SLIT3: variants seen among roughly 807,000 people sequenced by gnomAD.
SLIT3 encodes the protein slit guidance ligand 3, also known as slit homolog 3 protein.
SLIT3 carries 68 observed loss-of-function variants against 184.0 expected under a neutral mutation model. The observed-to-expected ratio is 0.37, with a 90% CI of 0.30 to 0.45. The LOEUF is 0.45. Ranked by LOEUF, SLIT3 falls within the 20% of genes least tolerant of loss-of-function variation. The pLI, the probability that SLIT3 is intolerant of heterozygous loss-of-function variation, is 1.00. For synonymous variants in SLIT3, 831 were observed against 828.6 expected, an observed-to-expected ratio of 1.00 and a Z score of -0.05; for missense variants, 1,707 against 2,026.0, an observed-to-expected ratio of 0.84 and a Z score of 3.02.
intron 14 of SLIT3, among the ~76,000 whole-genome samples, chr5:168,765,869 C>T (rs1449179501): frequency 1.3e-5 from 2 of 151,964 alleles, no homozygotes; most frequent in Non-Finnish European, 2.9e-5. Flanking sequence ...TCCCCTTTCG[C>T]GGGCAGCTCA....
intron 22 of SLIT3, 72 bp from the exon 23 acceptor site, chr5:168,722,399 T>G: frequency 7.5e-7 from 1 of 1,341,414 alleles, no homozygotes; most frequent in Non-Finnish European, 1.1e-6. Flanking sequence ...CTGTTCACGT[T>G]GTGAAACAAA....
At chr5:168,918,682 C>T (rs1186577692) in intron 4 of SLIT3, among the ~76,000 whole-genome samples, 1 of 152,140 alleles carries the variant, frequency 6.6e-6, no homozygotes, top group East Asian at 1.9e-4. Context: ...GCATTTGGGG[C>T]TTGGATAAGA....
chr5:169,074,943 C>T (rs774502144), intron 4 of SLIT3, among the ~76,000 whole-genome samples: 39 of 152,216 alleles, frequency 2.6e-4, no homozygotes, highest in Non-Finnish European at 3.7e-4. Flanking sequence ...GGAAATGTCA[C>T]CGCTGACCTC....
chr5:168,667,390 G>A (rs72837896), intron 35 of SLIT3, among the ~76,000 whole-genome samples: 19,322 of 152,310 alleles, frequency 0.13, 1,711 homozygotes, highest in Non-Finnish European at 0.19. Context: ...GTATTCAAAA[G>A]GCATTTGACC....
intron 14 of SLIT3, among the ~76,000 whole-genome samples, chr5:168,769,578 AGAATCTGGACT>A (rs897043145): frequency 5.9e-5 from 9 of 152,090 alleles, no homozygotes; most frequent in Non-Finnish European, 8.8e-5. Flanking sequence ...GTCAGCCACT[AGAATCTGGACT>A]CCACTCTGCT....
At position 168,663,309 on chromosome 5, in the gene SLIT3, G is replaced by A. The variant is rs1760932885; in HGVS notation, c.*3145C>T. ...AGAGGGGGGATGGGGCAATGGAGGT[G>A]GGGATGGGGAAATGGAGGTTGGGAA... On this transcript the variant is annotated 3_prime_UTR_variant, in exon 36 of 36. Transcript: ENST00000519560. 6.6e-6 allele frequency: 1 copy of A among 152,264 alleles called. No homozygotes were observed. Among genetic ancestry groups the A allele is most frequent in the Admixed American group, 6.5e-5 (1 of 15,270 alleles). 9.4% of individuals were successfully genotyped at this position (152,264 alleles called of 1,614,324 possible).
At chr5:169,147,130 G>T (rs188457) in intron 4 of SLIT3, among the ~76,000 whole-genome samples, 3,369 of 152,280 alleles carry the variant, frequency 0.022, 111 homozygotes, top group East Asian at 0.089. Flanking sequence ...GTCCAGCACA[G>T]GGCTATTTCT....
chr5:168,793,170 G>A (rs1756442369), intron 10 of SLIT3, among the ~76,000 whole-genome samples: 1 of 152,082 alleles, frequency 6.6e-6, no homozygotes, highest in Non-Finnish European at 1.5e-5. Context: ...TTTATACGAA[G>A]GTAACCACTA....
chr5:169,001,129 G>A (rs12658059), intron 4 of SLIT3, among the ~76,000 whole-genome samples: 11,023 of 152,148 alleles, frequency 0.072, 469 homozygotes, highest in East Asian at 0.19. Flanking sequence ...ATTTATCCAA[G>A]TGCTTTGCTA....
chr5:169,136,965 T>G (rs974687326), intron 4 of SLIT3, among the ~76,000 whole-genome samples: 2 of 152,122 alleles, frequency 1.3e-5, no homozygotes, highest in Non-Finnish European at 1.5e-5. Context: ...CAAGTGATCC[T>G]CCTGCCTTGG....
At chr5:169,148,955 T>C (rs1219187837) in intron 4 of SLIT3, among the ~76,000 whole-genome samples, 1 of 152,118 alleles carries the variant, frequency 6.6e-6, no homozygotes, top group Non-Finnish European at 1.5e-5. Context: ...AGTGTACATC[T>C]ACTATTCACA....
rs1762431024 is a variant in SLIT3, at chr5:168,945,090, T to G, written c.414-61754A>C. Reference sequence around the variant, plus strand: ...AAGATTGGCAACACTGACACTCAACTTCTGGAAAGGGAATGGGACCCTGCT... The same window carrying G: ...AAGATTGGCAACACTGACACTCAACGTCTGGAAAGGGAATGGGACCCTGCT... On this transcript the variant is annotated intron_variant, in intron 4 of 35. Coordinates refer to ENST00000519560, the MANE Select transcript of SLIT3 (RefSeq NM_003062.4). Among the ~76,000 whole-genome samples, 7 of 152,278 alleles carry G rather than the reference T, an allele frequency of 4.6e-5. No individual in the cohort carries two copies. The South Asian group carries it at 1.0e-3, about 23-fold the overall frequency.
chr5:169,233,737 C>T (rs1364690176), intron 3 of SLIT3, among the ~76,000 whole-genome samples: 2 of 151,946 alleles, frequency 1.3e-5, no homozygotes, highest in African/African-American at 4.8e-5. Flanking sequence ...TGTTTTATTC[C>T]AATCTTTATA....
At chr5:168,996,473 C>T (rs1013357811) in intron 4 of SLIT3, among the ~76,000 whole-genome samples, 10 of 152,198 alleles carry the variant, frequency 6.6e-5, no homozygotes, top group African/African-American at 2.4e-4. Flanking sequence ...TGTCCCCCTG[C>T]CCCAAACCTA....
At chr5:168,773,738 CAT>C (rs1046834017) in intron 13 of SLIT3, among the ~76,000 whole-genome samples, 9 of 151,970 alleles carry the variant, frequency 5.9e-5, no homozygotes, top group Non-Finnish European at 1.3e-4. Flanking sequence ...ATATACTTCC[CAT>C]AGAGGAAGAG....
chr5:168,791,947 C>G (rs1175802195), intron 10 of SLIT3: 1 of 152,216 alleles, frequency 6.6e-6, no homozygotes, highest in Non-Finnish European at 1.5e-5. Flanking sequence ...CTTTCTGCTT[C>G]TAAGAGTTTG....
chr5:169,134,991 G>A (rs777074883), intron 4 of SLIT3, among the ~76,000 whole-genome samples: 2 of 152,218 alleles, frequency 1.3e-5, no homozygotes, highest in African/African-American at 2.4e-5. Context: ...ACATATAGTA[G>A]CTGCTCTATA....
chr5:169,032,977 C>T (rs988482010), intron 4 of SLIT3, among the ~76,000 whole-genome samples: 1 of 123,684 alleles, frequency 8.1e-6, no homozygotes, highest in Non-Finnish European at 1.6e-5. Context: ...GAAATCTACT[C>T]CTGTAGCATG....
chr5:168,866,768 A>G (rs1457861425), intron 5 of SLIT3, among the ~76,000 whole-genome samples: 1 of 152,236 alleles, frequency 6.6e-6, no homozygotes, highest in Non-Finnish European at 1.5e-5. Context: ...TTAAAGAAGG[A>G]TAATCCCACC....
Sources: allele counts gnomAD v4.1 joint callset (sites outside exome capture counted in the v4.1 genomes callset), GRCh38; gene constraint gnomAD v4.1.1; transcripts MANE v1.5; gene names NCBI Gene and HGNC (gene_info 2026-07-23, HGNC 2026-07-21).